The following KIDINS220 variants were observed in gnomAD, a reference collection of about 807,000 sequenced individuals.
The protein encoded by KIDINS220 is kinase D interacting substrate 220, also known as kinase D-interacting substrate of 220 kDa.
Under a neutral mutation model 157.6 loss-of-function variants are expected in KIDINS220, and 63 were observed. The observed-to-expected ratio is 0.40, with a 90% CI of 0.33 to 0.49. The LOEUF (loss-of-function observed/expected upper bound fraction) is 0.49. KIDINS220 is among the 20% of genes least tolerant of loss of function. The probability of loss-of-function intolerance (pLI) is 0.66; values close to 1 mark genes in which losing one functional copy is unlikely to be tolerated. For synonymous variants in KIDINS220, 732 were observed against 783.6 expected (o/e 0.93, Z 1.10); for missense variants, 1,772 against 2,171.2 (o/e 0.82, Z 3.65).
intron 1 of KIDINS220, among the ~76,000 whole-genome samples, chr2:8,835,325 A>G (rs1343030204): frequency 2.0e-5 from 3 of 152,126 alleles, no homozygotes; most frequent in Non-Finnish European, 2.9e-5. Flanking sequence ...GCTACCCTCA[A>G]CAGCCATGTT....
chr2:8,760,927 C>T (rs1668669078), intron 22 of KIDINS220, among the ~76,000 whole-genome samples: 1 of 152,072 alleles, frequency 6.6e-6, no homozygotes, highest in African/African-American at 2.4e-5. Flanking sequence ...ATTCAGGTGA[C>T]AAAGCAATAC....
chr2:8,835,930 C>G (rs1680324503), intron 1 of KIDINS220, among the ~76,000 whole-genome samples: 1 of 151,654 alleles, frequency 6.6e-6, no homozygotes, highest in East Asian at 1.9e-4. Context: ...TGTATGTGAC[C>G]CAGACTGGAA....
chr2:8,804,302 C>G (rs1391160491), intron 7 of KIDINS220, among the ~76,000 whole-genome samples: 5 of 152,228 alleles, frequency 3.3e-5, no homozygotes, highest in African/African-American at 1.2e-4. Flanking sequence ...ACTGTCTCTT[C>G]TCAGAATCCT....
Position 8,833,584 on chromosome 2 carries a change from T to G in KIDINS220, c.-37+3896A>C, listed in dbSNP as rs190547441. ...ATAAGCTTTTAAAAGGAATGAATTA[T>G]TTTCTTTCGTTCTATACCAAATACC... is the stretch of plus-strand genomic sequence containing the variant. On this transcript the variant is annotated intron_variant, in intron 1 of 29. Coordinates refer to ENST00000256707, the MANE Select transcript of KIDINS220 (RefSeq NM_020738.4). Among the ~76,000 whole-genome samples, 11 of 152,166 alleles carry G rather than the reference T, an allele frequency of 7.2e-5. 1 individual carries two copies.
intron 2 of KIDINS220, among the ~76,000 whole-genome samples, chr2:8,825,372 C>CAAAAAAAAAAAAA (rs369409976): frequency 2.8e-5 from 3 of 108,662 alleles, no homozygotes; most frequent in Non-Finnish European, 3.6e-5. Flanking sequence ...GACTCCGTCT[C>CAAAAAAAAAAAAA]AAAAAAAAAA....
chr2:8,731,188 C>T lies in KIDINS220; in HGVS notation c.4848G>A (p.Glu1616=), dbSNP rs1572400377. 3 of 1,614,062 alleles carry T rather than the reference C, an allele frequency of 1.9e-6. No individual in the cohort carries two copies. The highest frequency in any genetic ancestry group is 1.6e-4 in the Middle Eastern group (1 of 6,084). Residue 1616 remains glutamate, a synonymous_variant, in exon 30 of 30, where the codon GAG becomes GAA. Coordinates refer to ENST00000256707, the MANE Select transcript of KIDINS220 (RefSeq NM_020738.4). The surrounding 1 kb of genome is among the most constrained non-coding windows in gnomAD (Gnocchi z 5.2). ...DSQLEKANLI[E]LEDDSHSGKR... is the part of the protein sequence containing the mutation. Reference sequence around the variant, plus strand: ...TTCCGCTGTGACTGTCATCTTCCAGCTCTATGAGATTTGCCTTTTCAAGCT... The same window carrying T: ...TTCCGCTGTGACTGTCATCTTCCAGTTCTATGAGATTTGCCTTTTCAAGCT...
At chr2:8,823,788 T>G (rs1337212838) in intron 2 of KIDINS220, among the ~76,000 whole-genome samples, 1 of 152,208 alleles carries the variant, frequency 6.6e-6, no homozygotes, top group Non-Finnish European at 1.5e-5. Flanking sequence ...ACAAAATGAC[T>G]ACTTCTGTAA....
rs561743411 is a variant in KIDINS220 at position 8,750,225 on chromosome 2, C to G, written c.3301G>C (p.Val1101Leu). ...CCATTGAAGGACGTGGAAGAGCACACGGATGGGGGCTGGCTGTACCCTGAT... is the reference window on the plus strand; with the variant it reads ...CCATTGAAGGACGTGGAAGAGCACAGGGATGGGGGCTGGCTGTACCCTGAT... ...APSGYSQPPS[V>L]CSSTSFNGPF... The change falls in exon 24 of 30, where the codon GTG becomes CTG. Residue 1101 changes from valine (V) to leucine (L), a missense_variant. Val to Leu is a conservative substitution (Grantham distance 32). Around this residue, in one of 3 missense-constraint regions of KIDINS220, gnomAD observed 793 missense variants for 885.5 expected, o/e 0.90. Coordinates refer to ENST00000256707, the MANE Select transcript of KIDINS220 (RefSeq NM_020738.4). 1.2e-6 allele frequency: 2 copies of G among 1,614,042 alleles called. No homozygotes were observed. The highest frequency in any genetic ancestry group is 1.7e-6 in the Non-Finnish European group (2 of 1,180,026).
intron 14 of KIDINS220, 47 bp from the exon 15 acceptor site, chr2:8,788,859 A>G: frequency 1.9e-6 from 3 of 1,544,260 alleles, no homozygotes; most frequent in Non-Finnish European, 2.7e-6. Context: ...TCACTAGTCA[A>G]GCAGATCTTT....
At position 8,731,865 on chromosome 2, in the gene KIDINS220, T is replaced by C; in HGVS notation, c.4171A>G (p.Ile1391Val). The C allele has an allele frequency of 1.2e-6, 2 of 1,614,194 alleles. No homozygotes were observed. Among genetic ancestry groups the C allele is most frequent in the Non-Finnish European group, 8.5e-7 (1 of 1,180,030 alleles). Residue 1391 changes from isoleucine to valine, a missense_variant, in exon 30 of 30, where the codon ATT becomes GTT. Physicochemically the swap from Ile to Val is conservative, Grantham distance 29. This residue lies in a region of KIDINS220 where 793 missense variants were observed against 885.5 expected (regional missense o/e 0.90). Coordinates refer to ENST00000256707, the MANE Select transcript of KIDINS220 (RefSeq NM_020738.4). This position sits in a 1 kb window ranked among gnomAD's most constrained non-coding sequence, Gnocchi z 5.2. Reference sequence around the variant, plus strand: ...CCTTCTAACTGGGACATCTGAGCAATGTATTCTCTATAGGCATCTCTATAC... The same window carrying C: ...CCTTCTAACTGGGACATCTGAGCAACGTATTCTCTATAGGCATCTCTATAC... ...AEYRDAYREY[I>V]AQMSQLEGGP...
At chr2:8,771,596 T>C (rs990460800) in intron 21 of KIDINS220, among the ~76,000 whole-genome samples, 7 of 152,232 alleles carry the variant, frequency 4.6e-5, no homozygotes, top group Non-Finnish European at 8.8e-5. Context: ...TACTTCATCA[T>C]TATCTATTTT....
At chr2:8,796,909 T>C (rs1674026093) in intron 10 of KIDINS220, 40 bp from the exon 11 acceptor site, 1 of 1,395,124 alleles carries the variant, frequency 7.2e-7, no homozygotes, top group Non-Finnish European at 1.0e-6. Context: ...ATTAATAGCT[T>C]GACTCCTGTG....
At chr2:8,777,844 T>G (rs1199418511) in intron 20 of KIDINS220, among the ~76,000 whole-genome samples, 1 of 152,222 alleles carries the variant, frequency 6.6e-6, no homozygotes, top group Non-Finnish European at 1.5e-5. Context: ...GTAAGTTATA[T>G]GCGCCTCTGA....
In KIDINS220 at chr2:8,730,465, A is replaced by T. The variant is rs567459371; in HGVS notation, c.*255T>A. On this transcript the variant is annotated 3_prime_UTR_variant, in exon 30 of 30. Transcript: ENST00000256707. ...TCGTCTCAAAAAGTTTTATGGGGTA[A>T]TGCGCCAATGAAAGGTACAGTAGTA... The T allele has an allele frequency of 3.5e-5, 45 of 1,299,332 alleles. No homozygotes were observed. The African/African-American group carries it at 5.5e-4, about 16-fold the overall frequency. 80.5% of individuals were successfully genotyped at this position (1,299,332 alleles called of 1,614,324 possible).
At position 8,778,641 on chromosome 2, in the gene KIDINS220, G is replaced by A. The variant is rs372110208; in HGVS notation, c.2701C>T (p.Arg901Trp). The change falls in exon 20 of 30, where the codon CGG becomes TGG. Residue 901 changes from arginine (R) to tryptophan (W), a missense_variant and splice_region_variant. Arg to Trp is a moderately radical substitution (Grantham distance 101). This residue lies in a region of KIDINS220 where 725 missense variants were observed against 1,017.1 expected (regional missense o/e 0.71). Transcript: ENST00000256707. ...GCTCGAAGCCAATGGCATCTTACCC[G>A]TCTATTGAGGGCTGTCTTGCTACCA... ...KLGSKTALNR[R>W]DTYRRRQMQR... 17 of 1,608,508 alleles carry A rather than the reference G, an allele frequency of 1.1e-5. No homozygotes were observed. The highest frequency in any genetic ancestry group is 1.6e-4 in the Middle Eastern group (1 of 6,076).
intron 9 of KIDINS220, among the ~76,000 whole-genome samples, chr2:8,799,031 C>A (rs1322885682): frequency 6.6e-6 from 1 of 152,116 alleles, no homozygotes; most frequent in Non-Finnish European, 1.5e-5. Context: ...ATTTCCTCAA[C>A]AGTTTCTCTT....
chr2:8,726,641 C>T (rs568739692), downstream of KIDINS220, among the ~76,000 whole-genome samples: 1 of 152,252 alleles, frequency 6.6e-6, no homozygotes, highest in Admixed American at 6.5e-5. Flanking sequence ...ATGGTGGCAC[C>T]CACTACACAC....
chr2:8,828,968 T>C (rs113877998), intron 1 of KIDINS220, among the ~76,000 whole-genome samples: 2 of 152,130 alleles, frequency 1.3e-5, no homozygotes, highest in South Asian at 4.2e-4. Flanking sequence ...ACTGTGGACT[T>C]TGGGTTGATG....
At chr2:8,813,114 T>C (rs977133953) in intron 5 of KIDINS220, 123 bp downstream of exon 5, 7 of 587,750 alleles carry the variant, frequency 1.2e-5, no homozygotes, top group East Asian at 2.9e-5. Context: ...TCATATTCTA[T>C]GTTACGTTTA....
Sources: gnomAD v4.1 joint callset for allele counts (sites outside exome capture counted in the v4.1 genomes callset) on GRCh38, gnomAD v4.1.1 for gene constraint, gnomAD v4.1.1 regional missense constraint, Gnocchi (gnomAD v3.1) non-coding constraint, MANE v1.5 for transcripts, NCBI Gene and HGNC (gene_info 2026-07-23, HGNC 2026-07-21) for gene names.